The following ASB1 variants were observed in gnomAD, a reference collection of about 807,000 sequenced individuals.
The protein encoded by ASB1 is ankyrin repeat and SOCS box containing 1.
Under a neutral mutation model 27.7 loss-of-function variants are expected in ASB1, and 18 were observed. That is an observed-to-expected ratio of 0.65 (90% confidence interval 0.45 to 0.96). ASB1 has a LOEUF of 0.96. Ranked by LOEUF, ASB1 falls within the 50% of genes least tolerant of loss-of-function variation. The pLI is 0.00. For synonymous variants in ASB1, 189 were observed against 187.6 expected (o/e 1.01, Z -0.06); for missense variants, 397 against 451.7 (o/e 0.88, Z 1.10).
At position 238,451,122 on chromosome 2, in the gene ASB1, A is replaced by C. The variant is rs1040588016; in HGVS notation, c.*4611A>C. On this transcript the variant is annotated 3_prime_UTR_variant, in exon 5 of 5. Transcript: ENST00000264607. ...AACAGTTTAGATGTGTACATGATGC[A>C]CGTGGGTGGGATTCACATCCCAGGA... The C allele has an allele frequency of 2.7e-5, 4 of 147,260 alleles. No homozygotes were observed. The highest frequency in any genetic ancestry group is 9.7e-5 in the African/African-American group (4 of 41,082). 9.1% of individuals were successfully genotyped at this position (147,260 alleles called of 1,614,324 possible). A position where few individuals can be genotyped will look rare whatever the true frequency, so the allele number is the denominator to read the frequency against.
At chr2:238,445,933 A>G (rs1702171309) in intron 4 of ASB1, among the ~76,000 whole-genome samples, 1 of 152,194 alleles carries the variant, frequency 6.6e-6, no homozygotes, top group Non-Finnish European at 1.5e-5. Context: ...TTGGGGGCAA[A>G]GTCGTCAGCC....
At position 238,449,813 on chromosome 2, in the gene ASB1, T is replaced by C. The variant is rs1478109038; in HGVS notation, c.*3302T>C. The C allele has an allele frequency of 6.6e-6, 1 of 152,246 alleles. No individual in the cohort carries two copies. Among genetic ancestry groups the C allele is most frequent in the African/African-American group, 2.4e-5 (1 of 41,470 alleles). 9.4% of individuals were successfully genotyped at this position (152,246 alleles called of 1,614,324 possible). A position where few individuals can be genotyped will look rare whatever the true frequency, so the allele number is the denominator to read the frequency against. ...GAACAATTGTTTTTAGTAAGTTTTC[T>C]TTTTCCTTTTTCAATGAATTGATTC... On this transcript the variant is annotated 3_prime_UTR_variant, in exon 5 of 5. Coordinates refer to ENST00000264607, the MANE Select transcript of ASB1 (RefSeq NM_001040445.3).
intron 3 of ASB1, among the ~76,000 whole-genome samples, chr2:238,438,226 G>C (rs1702010106): frequency 3.8e-5 from 1 of 26,098 alleles, no homozygotes; most frequent in South Asian, 1.2e-3. Context: ...TTGAGACGGA[G>C]TCTCACCCTG....
intron 3 of ASB1, among the ~76,000 whole-genome samples, chr2:238,443,397 C>T (rs1172408582): frequency 6.6e-6 from 1 of 152,160 alleles, no homozygotes; most frequent in Non-Finnish European, 1.5e-5. Context: ...TCTCTCATTG[C>T]TTGTTAGTTG....
At chr2:238,430,415 G>T (rs969712994) in intron 1 of ASB1, among the ~76,000 whole-genome samples, 1 of 152,250 alleles carries the variant, frequency 6.6e-6, no homozygotes, top group African/African-American at 2.4e-5. Context: ...GATTGCAGCA[G>T]TTCAGTCACA....
At chr2:238,438,199 A>ATTTTTTTTTTTTTTTTTTT (rs57391955) in intron 3 of ASB1, among the ~76,000 whole-genome samples, 1 of 98,198 alleles carries the variant, frequency 1.0e-5, no homozygotes, top group Non-Finnish European at 1.9e-5. Context: ...GATGCCCTTC[A>ATTTTTTTTTTTTTTTTTTT]TTTTTTTTTT....
chr2:238,442,403 C>T (rs1232751647), intron 3 of ASB1, among the ~76,000 whole-genome samples: 4 of 152,276 alleles, frequency 2.6e-5, no homozygotes, highest in East Asian at 1.9e-4. Flanking sequence ...TGAGCCACCA[C>T]GCCCCGCCCC....
In ASB1 at chr2:238,445,380, A is replaced by G. The variant is rs544722731; in HGVS notation, c.880+653A>G. Reference sequence around the variant, plus strand: ...GGTTTTTAAATGAGCCCTTAAAACAAATTGCAAGCGGGGCTTTCTAGGGTT... The same window carrying G: ...GGTTTTTAAATGAGCCCTTAAAACAGATTGCAAGCGGGGCTTTCTAGGGTT... On this transcript the variant is annotated intron_variant, in intron 4 of 4. Transcript: ENST00000264607. Among the ~76,000 whole-genome samples the G allele has an allele frequency of 2.6e-5, 4 of 152,308 alleles. No homozygotes were observed. The South Asian group carries it at 8.3e-4, about 32-fold the overall frequency.
chr2:238,445,322 A>G (rs546084461), intron 4 of ASB1, among the ~76,000 whole-genome samples: 1 of 152,262 alleles, frequency 6.6e-6, no homozygotes, highest in African/African-American at 2.4e-5. Flanking sequence ...CTGTGGCCCC[A>G]GATTCTTATA....
Position 238,427,055 on chromosome 2 carries a change from G to A in ASB1, c.-16G>A. 7.9e-7 allele frequency: 1 copy of A among 1,260,410 alleles called. No homozygotes were observed. Among genetic ancestry groups the A allele is most frequent in the African/African-American group, 1.6e-5 (1 of 64,494 alleles). The allele number at this position is 1,260,410 out of a possible 1,614,324, so 78.1% of individuals were successfully genotyped here. ...GCGTGCGCGGGTCAGGGGCGGCCGC[G>A]GAGGCGGAAGCATCCATGGCGGAGG... On this transcript the variant is annotated 5_prime_UTR_variant, in exon 1 of 5. Coordinates refer to ENST00000264607, the MANE Select transcript of ASB1 (RefSeq NM_001040445.3).
chr2:238,427,061 G>C lies in ASB1; in HGVS notation c.-10G>C, dbSNP rs1701768746. The C allele has an allele frequency of 7.9e-7, 1 of 1,262,404 alleles. No individual in the cohort carries two copies. The highest frequency in any genetic ancestry group is 1.0e-6 in the Non-Finnish European group (1 of 1,004,904). The allele number at this position is 1,262,404 out of a possible 1,614,324, so 78.2% of individuals were successfully genotyped here. A position where few individuals can be genotyped will look rare whatever the true frequency, so the allele number is the denominator to read the frequency against. On this transcript the variant is annotated 5_prime_UTR_variant, in exon 1 of 5. Transcript: ENST00000264607. ...GCGGGTCAGGGGCGGCCGCGGAGGC[G>C]GAAGCATCCATGGCGGAGGGCGGCA... is the stretch of plus-strand genomic sequence containing the variant.
intron 1 of ASB1, among the ~76,000 whole-genome samples, chr2:238,431,074 TCTC>T (rs1248431840): frequency 3.9e-5 from 6 of 152,380 alleles, no homozygotes; most frequent in South Asian, 2.1e-4. Context: ...GGCATTGCCT[TCTC>T]CTCTCTAGCT....
chr2:238,446,384 G>C lies in ASB1; in HGVS notation c.881G>C (p.Ser294Thr). The change falls in exon 5 of 5, where the codon AGT becomes ACT. Residue 294 changes from serine (S) to threonine (T), a missense_variant and splice_region_variant. Physicochemically the swap from Ser to Thr is moderately conservative, Grantham distance 58. Transcript: ENST00000264607. ...CTCTCTTTCTTCCCACGGCCTTCAG[G>C]TGTTCCCAGAACCTTGCTGTGTCTG... ...EALQVFKEAR[S>T]VPRTLLCLCR... The C allele has an allele frequency of 6.3e-7, 1 of 1,599,028 alleles. No homozygotes were observed. The highest frequency in any genetic ancestry group is 8.5e-7 in the Non-Finnish European group (1 of 1,173,080).
chr2:238,427,146 CG>C, intron 1 of ASB1, 27 bp downstream of exon 1: 1 of 1,237,326 alleles, frequency 8.1e-7, no homozygotes. Context: ...CACTGGGCCG[CG>C]GGGCGTGTGG....
chr2:238,431,672 A>G (rs1701873395), intron 1 of ASB1, among the ~76,000 whole-genome samples: 1 of 152,174 alleles, frequency 6.6e-6, no homozygotes, highest in Non-Finnish European at 1.5e-5. Flanking sequence ...TTTAACTTGA[A>G]CACTCAGAAG....
At chr2:238,445,719 A>C (rs546238014) in intron 4 of ASB1, among the ~76,000 whole-genome samples, 1 of 152,274 alleles carries the variant, frequency 6.6e-6, no homozygotes, top group East Asian at 1.9e-4. Flanking sequence ...CCTGCCTCTC[A>C]AAGGACTTTA....
chr2:238,432,201 C>T (rs1701883402), intron 1 of ASB1, among the ~76,000 whole-genome samples: 2 of 152,278 alleles, frequency 1.3e-5, no homozygotes, highest in South Asian at 4.2e-4. Context: ...TCTCTGTACA[C>T]TTACTAAAAA....
chr2:238,446,108 G>A (rs1455412076), intron 4 of ASB1, among the ~76,000 whole-genome samples: 4 of 152,216 alleles, frequency 2.6e-5, no homozygotes, highest in Admixed American at 6.5e-5. Context: ...AAACATGGTC[G>A]AGTTGTGATC....
chr2:238,430,810 C>G (rs571314715), intron 1 of ASB1, among the ~76,000 whole-genome samples: 1 of 152,212 alleles, frequency 6.6e-6, no homozygotes, highest in Admixed American at 6.5e-5. Flanking sequence ...GAGAGCTCTT[C>G]GGTGACTAGG....
Sources: allele counts gnomAD v4.1 joint callset (sites outside exome capture counted in the v4.1 genomes callset), GRCh38; gene constraint gnomAD v4.1.1; transcripts MANE v1.5; gene names NCBI Gene and HGNC (gene_info 2026-07-23, HGNC 2026-07-21).